BTBD2: variants seen among roughly 807,000 people sequenced by gnomAD.
BTBD2 encodes the protein BTB domain containing 2.
BTBD2 carries 15 observed loss-of-function variants against 44.0 expected under a neutral mutation model. The ratio of observed to expected loss-of-function variants is 0.34; its 90% confidence interval spans 0.23 to 0.53. The LOEUF (loss-of-function observed/expected upper bound fraction) is 0.53. Among genes scored for constraint, BTBD2 ranks in the 20% least tolerant of loss-of-function variants. BTBD2 has a pLI of 0.95. For synonymous variants in BTBD2, 443 were observed against 335.9 expected (o/e 1.32, Z -3.49); for missense variants, 657 against 746.4 (o/e 0.88, Z 1.39).
At chr19:2,000,574 G>C (rs1599355813) in intron 1 of BTBD2, among the ~76,000 whole-genome samples, 1 of 152,144 alleles carries the variant, frequency 6.6e-6, no homozygotes, top group Non-Finnish European at 1.5e-5. Context: ...CCCCTCCCTG[G>C]AGACACCTGC....
chr19:2,012,176 G>C (rs778784016), intron 1 of BTBD2, among the ~76,000 whole-genome samples: 10 of 127,810 alleles, frequency 7.8e-5, no homozygotes, highest in Non-Finnish European at 1.3e-4. Flanking sequence ...TTTTTGAGAT[G>C]GTGTGTCACT....
chr19:2,005,061 C>A (rs536335954), intron 1 of BTBD2, among the ~76,000 whole-genome samples: 1 of 151,846 alleles, frequency 6.6e-6, no homozygotes, highest in South Asian at 2.1e-4. Flanking sequence ...ACCTCGTGAT[C>A]TGCCTGTCTC....
chr19:2,004,289 T>G (rs2016366854), intron 1 of BTBD2, among the ~76,000 whole-genome samples: 1 of 30,626 alleles, frequency 3.3e-5, no homozygotes, highest in African/African-American at 1.1e-4. Context: ...CAAAACAAAC[T>G]TTTTTTTTTT....
Position 1,986,048 on chromosome 19 carries a change from C to G in BTBD2, c.*440G>C, listed in dbSNP as rs988375492. The stretch of plus-strand genomic sequence containing the variant: ...ACAAAAGGAACGCAAGGTCTGGGAC[C>G]CACGGCTCTGGGAGCAGCGCCACCC... On this transcript the variant is annotated 3_prime_UTR_variant, in exon 9 of 9. Coordinates refer to ENST00000255608, the MANE Select transcript of BTBD2 (RefSeq NM_017797.4). 1 of 175,284 alleles carries G rather than the reference C, an allele frequency of 5.7e-6. No individual in the cohort carries two copies. Among genetic ancestry groups the G allele is most frequent in the Non-Finnish European group, 1.2e-5 (1 of 82,572 alleles). 10.9% of individuals were successfully genotyped at this position (175,284 alleles called of 1,614,324 possible). A position where few individuals can be genotyped will look rare whatever the true frequency, so the allele number is the denominator to read the frequency against.
In BTBD2 at chr19:1,994,585, C is replaced by T. The variant is rs545816964; in HGVS notation, c.528-1409G>A. 3.3e-5 allele frequency among the ~76,000 whole-genome samples: 5 copies of T among 151,768 alleles called. No homozygotes were observed. The East Asian group carries it at 5.9e-4, about 18-fold the overall frequency. ...ACCATCCTGGCCAACATGATGAAACCGGGTCTCTACTAAAAATACAAAAAT... is the reference window on the plus strand; with the variant it reads ...ACCATCCTGGCCAACATGATGAAACTGGGTCTCTACTAAAAATACAAAAAT... On this transcript the variant is annotated intron_variant, in intron 2 of 8. Coordinates refer to ENST00000255608, the MANE Select transcript of BTBD2 (RefSeq NM_017797.4).
At chr19:1,989,548 A>C in intron 5 of BTBD2, 1 of 162,248 alleles carries the variant, frequency 6.2e-6, no homozygotes, top group South Asian at 7.7e-5. Context: ...GTGAGCAGCC[A>C]CGAGGGCAGG....
At chr19:2,007,811 G>C (rs1468228264) in intron 1 of BTBD2, among the ~76,000 whole-genome samples, 1 of 151,194 alleles carries the variant, frequency 6.6e-6, no homozygotes, top group African/African-American at 2.4e-5. Context: ...CTGGGCAACA[G>C]AGCGAGACTC....
intron 1 of BTBD2, among the ~76,000 whole-genome samples, chr19:1,999,748 G>C (rs2016301904): frequency 6.6e-6 from 1 of 151,580 alleles, no homozygotes; most frequent in Non-Finnish European, 1.5e-5. Context: ...ATCACCTGGG[G>C]TCAGGAGTTG....
At position 1,990,850 on chromosome 19, in the gene BTBD2, G is replaced by A. The variant is rs753908423; in HGVS notation, c.685-28C>T. On this transcript the variant is annotated intron_variant, in intron 3 of 8. Transcript: ENST00000255608. ...GGCAAGAGACATCGACGGGGGGCGC[G>A]GTGGGGACATCAGCACCCAGCCCTC... 83 of 1,529,890 alleles carry A rather than the reference G, an allele frequency of 5.4e-5. No homozygotes were observed. In the East Asian group the frequency reaches 8.3e-4, roughly 15 times the overall value. 94.8% of individuals were successfully genotyped at this position (1,529,890 alleles called of 1,614,324 possible). A position where few individuals can be genotyped will look rare whatever the true frequency, so the allele number is the denominator to read the frequency against.
chr19:2,006,843 C>T (rs1467368083), intron 1 of BTBD2, among the ~76,000 whole-genome samples: 4 of 151,942 alleles, frequency 2.6e-5, no homozygotes, highest in Non-Finnish European at 5.9e-5. Flanking sequence ...TGCTCACCAC[C>T]ATGCCCAGCT....
rs533915623 is a variant in BTBD2, at chr19:2,015,541, GGGCGGCGGCGGCGGCGGCGGCGGCGGC to G, written c.136_162del (p.Ala46_Ala54del). 79 of 911,240 alleles carry G rather than the reference GGGCGGCGGCGGCGGCGGCGGCGGCGGC, an allele frequency of 8.7e-5. No individual in the cohort carries two copies. Among genetic ancestry groups the G allele is most frequent in the East Asian group, 6.9e-4 (5 of 7,258 alleles). The allele number at this position is 911,240 out of a possible 1,614,324, so 56.4% of individuals were successfully genotyped here. A position where few individuals can be genotyped will look rare whatever the true frequency, so the allele number is the denominator to read the frequency against. On this transcript the variant is annotated inframe_deletion, in exon 1 of 9. Coordinates refer to ENST00000255608, the MANE Select transcript of BTBD2 (RefSeq NM_017797.4). ...GGCGGGGCGGGCGGCGTCGGCCCAG[GGGCGGCGGCGGCGGCGGCGGCGGCGGC>G]GGCGGCGGCGGCCGCGTTGCCGGGG...
At chr19:2,010,691 G>A (rs1052797788) in intron 1 of BTBD2, among the ~76,000 whole-genome samples, 1 of 150,988 alleles carries the variant, frequency 6.6e-6, no homozygotes. Flanking sequence ...CCAGGCTGGA[G>A]TGCAGTGGCG....
chr19:1,990,889 T>C lies in BTBD2; in HGVS notation c.685-67A>G, dbSNP rs573607651. On this transcript the variant is annotated intron_variant, in intron 3 of 8. Transcript: ENST00000255608. Reference sequence around the variant, plus strand: ...CACCCAGCCCTCGGCAGATCCCCAGTGCGGGGCCGGTTCAAATGCAGCCCT... The same window carrying C: ...CACCCAGCCCTCGGCAGATCCCCAGCGCGGGGCCGGTTCAAATGCAGCCCT... 6 of 1,404,188 alleles carry C rather than the reference T, an allele frequency of 4.3e-6. No individual in the cohort carries two copies. The Admixed American group carries it at 6.0e-5, about 14-fold the overall frequency. The allele number at this position is 1,404,188 out of a possible 1,614,324, so 87.0% of individuals were successfully genotyped here.
chr19:2,007,658 G>A (rs968792061), intron 1 of BTBD2, among the ~76,000 whole-genome samples: 4 of 151,910 alleles, frequency 2.6e-5, no homozygotes, highest in African/African-American at 4.8e-5. Flanking sequence ...GCGAAACCCC[G>A]TCTCTAAAAA....
rs1348971769 is a variant in BTBD2 at position 2,015,663 on chromosome 19, G to A, written c.41C>T (p.Pro14Leu). 2.0e-6 allele frequency: 2 copies of A among 999,796 alleles called. No homozygotes were observed. The highest frequency in any genetic ancestry group is 2.4e-6 in the Non-Finnish European group (2 of 842,372). The allele number at this position is 999,796 out of a possible 1,614,324, so 61.9% of individuals were successfully genotyped here. The change falls in exon 1 of 9, where the codon CCG (proline) becomes CTG (leucine). Residue 14 changes from proline (P) to leucine (L), a missense_variant. Around this residue, in one of 3 missense-constraint regions of BTBD2, gnomAD observed 191 missense variants for 188.5 expected, o/e 1.01. Coordinates refer to ENST00000255608, the MANE Select transcript of BTBD2 (RefSeq NM_017797.4). ...GGSGGRASCP[P>L]GVGVGPGTGG... ...CGTGCCCGGGCCGACCCCGACCCCC[G>A]GCGGGCACGACGCACGCCCGCCGCT...
intron 5 of BTBD2, among the ~76,000 whole-genome samples, chr19:1,988,880 C>T (rs968340287): frequency 1.3e-5 from 2 of 152,174 alleles, no homozygotes; most frequent in African/African-American, 4.8e-5. Flanking sequence ...GCTGGGATTA[C>T]AGGAGTGAGT....
rs2016149181 is a variant in BTBD2 at position 1,989,946 on chromosome 19, A to G, written c.988+58T>C. Reference sequence around the variant, plus strand: ...CGGGGGCACTATCCTCGGTACCCAGATGCCCACCTGTGTGCCACTCCCCTC... The same window carrying G: ...CGGGGGCACTATCCTCGGTACCCAGGTGCCCACCTGTGTGCCACTCCCCTC... On this transcript the variant is annotated intron_variant, in intron 5 of 8. Coordinates refer to ENST00000255608, the MANE Select transcript of BTBD2 (RefSeq NM_017797.4). 4 of 1,582,978 alleles carry G rather than the reference A, an allele frequency of 2.5e-6. No individual in the cohort carries two copies. In the South Asian group the frequency reaches 4.4e-5, roughly 18 times the overall value.
At chr19:1,999,313 T>A (rs959764793) in intron 1 of BTBD2, among the ~76,000 whole-genome samples, 16 of 152,186 alleles carry the variant, frequency 1.1e-4, no homozygotes, top group African/African-American at 3.9e-4. Context: ...GCTAACTCCG[T>A]GAGTCAGGAC....
At chr19:2,008,573 G>A (rs1173069200) in intron 1 of BTBD2, among the ~76,000 whole-genome samples, 1 of 149,790 alleles carries the variant, frequency 6.7e-6, no homozygotes, top group African/African-American at 2.5e-5. Flanking sequence ...TTACAGGCGT[G>A]AGCCACTGTG....
Sources: gnomAD v4.1 joint callset for allele counts (sites outside exome capture counted in the v4.1 genomes callset) on GRCh38, gnomAD v4.1.1 for gene constraint, gnomAD v4.1.1 regional missense constraint, MANE v1.5 for transcripts, NCBI Gene and HGNC (gene_info 2026-07-23, HGNC 2026-07-21) for gene names.